KDM5B: variants seen among roughly 807,000 people sequenced by gnomAD.
KDM5B encodes lysine-specific demethylase 5B.
Under a neutral mutation model 193.4 loss-of-function variants are expected in KDM5B, and 144 were observed. The ratio of observed to expected loss-of-function variants is 0.74; its 90% CI spans 0.65 to 0.86. KDM5B has a LOEUF of 0.86. KDM5B is among the 40% of genes least tolerant of loss of function. The pLI, the probability that KDM5B is intolerant of heterozygous loss-of-function variation, is 0.00. For missense variants in KDM5B, 1,833 were observed against 1,886.9 expected (o/e 0.97, Z 0.53); for synonymous variants, 668 against 682.6 (o/e 0.98, Z 0.33).
At chr1:202,747,577 A>C (rs1375626474) in intron 14 of KDM5B, among the ~76,000 whole-genome samples, 6 of 151,944 alleles carry the variant, frequency 3.9e-5, no homozygotes, top group African/African-American at 7.2e-5. Flanking sequence ...TTTAAAAAAA[A>C]AAAAAAAAAC....
At chr1:202,733,059 CTT>C (rs1654945460) in intron 23 of KDM5B, among the ~76,000 whole-genome samples, 1 of 152,132 alleles carries the variant, frequency 6.6e-6, no homozygotes, top group Non-Finnish European at 1.5e-5. Context: ...GGGTAAAAAA[CTT>C]TTTAGTCAAG....
intron 1 of KDM5B, among the ~76,000 whole-genome samples, chr1:202,783,409 G>A (rs1407207157): frequency 6.6e-6 from 1 of 151,882 alleles, no homozygotes; most frequent in Non-Finnish European, 1.5e-5. Context: ...GGAGGCTGGG[G>A]TGGGAGGATT....
intron 14 of KDM5B, among the ~76,000 whole-genome samples, chr1:202,747,896 T>C (rs779720182): frequency 3.3e-5 from 5 of 152,062 alleles, no homozygotes; most frequent in Non-Finnish European, 7.4e-5. Flanking sequence ...AGGAATTGAT[T>C]TGGTAGAAAT....
At chr1:202,798,604 C>T (rs1657947787) in intron 1 of KDM5B, among the ~76,000 whole-genome samples, 1 of 152,090 alleles carries the variant, frequency 6.6e-6, no homozygotes, top group Non-Finnish European at 1.5e-5. Flanking sequence ...TGGTGTGTGC[C>T]TGTAATCTCA....
intron 22 of KDM5B, 27 bp downstream of exon 22, chr1:202,735,402 A>G (rs1252584585): frequency 6.3e-7 from 1 of 1,594,084 alleles, no homozygotes. Flanking sequence ...AATAACATAG[A>G]AAGGAGAAGA....
At chr1:202,799,609 C>A (rs560155739) in intron 1 of KDM5B, among the ~76,000 whole-genome samples, 1 of 150,916 alleles carries the variant, frequency 6.6e-6, no homozygotes, top group African/African-American at 2.4e-5. Flanking sequence ...GCCGAGATCA[C>A]GCCACTGCAT....
chr1:202,731,399 T>G (rs1654879021), intron 24 of KDM5B, among the ~76,000 whole-genome samples: 1 of 152,232 alleles, frequency 6.6e-6, no homozygotes, highest in Admixed American at 6.5e-5. Context: ...ATGGCCACAG[T>G]GTCAACAGTC....
Position 202,760,418 on chromosome 1 carries a change from A to G in KDM5B, c.1074T>C (p.Ala358=). The G allele has an allele frequency of 5.0e-6, 8 of 1,599,484 alleles. No individual in the cohort carries two copies. The highest frequency in any genetic ancestry group is 6.8e-6 in the Non-Finnish European group (8 of 1,173,896). The change falls in exon 8 of 27, where the codon GCT becomes GCC. Residue 358 remains alanine (A), a synonymous_variant. Coordinates refer to ENST00000367265, the MANE Select transcript of KDM5B (RefSeq NM_006618.5). ...TACCTCTACTATTAATTATTACCTG[A>G]GCCAAACACTTAGGACACCTCCAGT... ...KGDWRCPKCL[A]QECSKPQEAF...
intron 1 of KDM5B, among the ~76,000 whole-genome samples, chr1:202,788,411 G>A (rs1187154657): frequency 1.3e-5 from 2 of 152,198 alleles, no homozygotes; most frequent in Non-Finnish European, 2.9e-5. Flanking sequence ...ACTTGGGAAT[G>A]CAAAGCACTG....
intron 1 of KDM5B, among the ~76,000 whole-genome samples, chr1:202,783,850 C>T (rs1657300130): frequency 2.6e-5 from 4 of 151,836 alleles, no homozygotes; most frequent in Admixed American, 2.0e-4. Context: ...CACTGCACTC[C>T]AGACTGGGGA....
chr1:202,750,004 TG>T (rs1209209020), intron 13 of KDM5B, among the ~76,000 whole-genome samples: 1 of 152,216 alleles, frequency 6.6e-6, no homozygotes, highest in Admixed American at 6.5e-5. Context: ...CTGCAGATAA[TG>T]TAAGCTAGTA....
At chr1:202,744,753 T>C (rs1655486287) in intron 16 of KDM5B, among the ~76,000 whole-genome samples, 1 of 152,134 alleles carries the variant, frequency 6.6e-6, no homozygotes, top group Admixed American at 6.5e-5. Flanking sequence ...TCTTCAAAGA[T>C]CTAAAGACTG....
intron 1 of KDM5B, among the ~76,000 whole-genome samples, chr1:202,806,032 C>G (rs1286962754): frequency 1.3e-5 from 2 of 152,190 alleles, no homozygotes; most frequent in Non-Finnish European, 2.9e-5. Flanking sequence ...GCCATCATGT[C>G]TGTCTGACAT....
intron 2 of KDM5B, among the ~76,000 whole-genome samples, chr1:202,775,189 A>C (rs1300654156): frequency 1.3e-5 from 2 of 151,620 alleles, no homozygotes; most frequent in Admixed American, 1.3e-4. Context: ...GTAAGCTGAG[A>C]TCACACCACT....
chr1:202,808,103 G>A lies in KDM5B; in HGVS notation c.203C>T (p.Pro68Leu), dbSNP rs1172680706. The A allele has an allele frequency of 1.1e-5, 17 of 1,609,842 alleles. No homozygotes were observed. The highest frequency in any genetic ancestry group is 2.2e-5 in the East Asian group (1 of 44,636). Residue 68 changes from proline to leucine, a missense_variant and splice_region_variant, in exon 1 of 27, where the codon CCG (proline) becomes CTG (leucine). Transcript: ENST00000367265. ...QTGICKVRPP[P>L]DWQPPFACDV... ...ATCCGGGGTGCTGGCGTGACTCACC[G>A]GCGGCGGCCGCACCTTACAGATGCC...
chr1:202,737,881 G>T (rs1655154463), intron 20 of KDM5B, among the ~76,000 whole-genome samples: 1 of 152,344 alleles, frequency 6.6e-6, no homozygotes, highest in African/African-American at 2.4e-5. Flanking sequence ...GACAACTAGG[G>T]AAGACTGGGT....
intron 1 of KDM5B, among the ~76,000 whole-genome samples, chr1:202,804,818 T>C (rs1432219261): frequency 6.9e-6 from 1 of 144,002 alleles, no homozygotes; most frequent in Non-Finnish European, 1.5e-5. Context: ...GAGGTTGTGA[T>C]GAGCCACTGC....
intron 5 of KDM5B, among the ~76,000 whole-genome samples, chr1:202,766,121 G>A (rs768301982): frequency 6.6e-6 from 1 of 152,170 alleles, no homozygotes; most frequent in African/African-American, 2.4e-5. Context: ...GGCTGAGGTG[G>A]CAGCTATCAC....
chr1:202,787,559 C>T (rs1023609994), intron 1 of KDM5B, among the ~76,000 whole-genome samples: 1 of 151,956 alleles, frequency 6.6e-6, no homozygotes, highest in Non-Finnish European at 1.5e-5. Context: ...TTAATTTCTT[C>T]TCCAATCAGG....
Sources: allele counts gnomAD v4.1 joint callset (sites outside exome capture counted in the v4.1 genomes callset), GRCh38; gene constraint gnomAD v4.1.1; transcripts MANE v1.5; gene names NCBI Gene and HGNC (gene_info 2026-07-23, HGNC 2026-07-21).